SIK2: variants seen among roughly 807,000 people sequenced by gnomAD.
SIK2 encodes serine/threonine-protein kinase SIK2.
Under a neutral mutation model 103.2 loss-of-function variants are expected in SIK2, and 29 were observed. The observed-to-expected ratio is 0.28, with a 90% CI of 0.21 to 0.38. SIK2 has a LOEUF of 0.38. SIK2 is among the 10% of genes least tolerant of loss of function. The probability of loss-of-function intolerance (pLI) is 1.00; values close to 1 mark genes in which losing one functional copy is unlikely to be tolerated. For missense variants in SIK2, 879 were observed against 1,171.0 expected, an observed-to-expected ratio of 0.75 and a Z score of 3.64; for synonymous variants, 412 against 446.1, an observed-to-expected ratio of 0.92 and a Z score of 0.96.
At chr11:111,665,295 TACAC>T (rs1311215694) in intron 3 of SIK2, among the ~76,000 whole-genome samples, 1 of 147,230 alleles carries the variant, frequency 6.8e-6, no homozygotes, top group Non-Finnish European at 1.5e-5. Flanking sequence ...AAAAAAAAAA[TACAC>T]ACACACTAGC....
At chr11:111,620,151 A>C (rs1941864038) in intron 2 of SIK2, among the ~76,000 whole-genome samples, 188 bp from the exon 3 acceptor site, 1 of 152,242 alleles carries the variant, frequency 6.6e-6, no homozygotes, top group Non-Finnish European at 1.5e-5. Flanking sequence ...TTAGAAGAGC[A>C]AGGATCTCAA....
At chr11:111,626,718 A>AAG (rs1941966132) in intron 3 of SIK2, among the ~76,000 whole-genome samples, 1 of 151,752 alleles carries the variant, frequency 6.6e-6, no homozygotes, top group Non-Finnish European at 1.5e-5. Context: ...TACAAAAAAA[A>AAG]AAAAGTAATT....
rs913370687 is a variant in SIK2 at position 111,730,673 on chromosome 11, T to TG, written c.*6545dup. On this transcript the variant is annotated 3_prime_UTR_variant, in exon 15 of 15. Coordinates refer to ENST00000304987, the MANE Select transcript of SIK2 (RefSeq NM_015191.3). ...AGTGCAAATCATAATAGCTCCAATG[T>TG]GAAAAAAAAAATCAAAAGTATAACT... is the stretch of plus-strand genomic sequence containing the variant. 2.0e-5 allele frequency: 3 copies of TG among 151,674 alleles called. No homozygotes were observed. Among genetic ancestry groups the TG allele is most frequent in the African/African-American group, 4.8e-5 (2 of 41,270 alleles). 9.4% of individuals were successfully genotyped at this position (151,674 alleles called of 1,614,324 possible).
In SIK2 at chr11:111,728,218, A is replaced by G. The variant is rs78231019; in HGVS notation, c.*4089A>G. 1 of 152,174 alleles carries G rather than the reference A, an allele frequency of 6.6e-6. No individual in the cohort carries two copies. The highest frequency in any genetic ancestry group is 1.9e-4 in the East Asian group (1 of 5,176). 9.4% of individuals were successfully genotyped at this position (152,174 alleles called of 1,614,324 possible). On this transcript the variant is annotated 3_prime_UTR_variant, in exon 15 of 15. Coordinates refer to ENST00000304987, the MANE Select transcript of SIK2 (RefSeq NM_015191.3). ...ACATGAAAGGTGAAAATTGGAGAAC[A>G]GGGAAGCTCGTAAGTTGGAGTCATT...
rs78080330 is a variant in SIK2 at position 111,625,580 on chromosome 11, A to T, written c.316+5178A>T. Among the ~76,000 whole-genome samples the T allele has an allele frequency of 6.5e-3, 988 of 152,328 alleles. 10 individuals are homozygous for T. The highest frequency in any genetic ancestry group is 0.022 in the African/African-American group (923 of 41,566). On this transcript the variant is annotated intron_variant, in intron 3 of 14. Transcript: ENST00000304987. The stretch of plus-strand genomic sequence containing the variant: ...ATCCTAGAAACCAAGTGACCAAAGT[A>T]TTCTCAGAAGGATCAAGTGAACATC...
chr11:111,716,249 CTTTT>C (rs1248647329), intron 9 of SIK2, among the ~76,000 whole-genome samples: 1 of 152,208 alleles, frequency 6.6e-6, no homozygotes, highest in Non-Finnish European at 1.5e-5. Context: ...TTTTTAATAA[CTTTT>C]TTTATGACAA....
At position 111,724,530 on chromosome 11, in the gene SIK2, G is replaced by A. The variant is rs530943824; in HGVS notation, c.*401G>A. 1.7e-5 allele frequency: 3 copies of A among 173,972 alleles called. No homozygotes were observed. Among genetic ancestry groups the A allele is most frequent in the African/African-American group, 7.3e-5 (3 of 41,228 alleles). 10.8% of individuals were successfully genotyped at this position (173,972 alleles called of 1,614,324 possible). A position where few individuals can be genotyped will look rare whatever the true frequency, so the allele number is the denominator to read the frequency against. On this transcript the variant is annotated 3_prime_UTR_variant, in exon 15 of 15. Coordinates refer to ENST00000304987, the MANE Select transcript of SIK2 (RefSeq NM_015191.3). Reference sequence around the variant, plus strand: ...GCTATTGCATATATATGGGGGAAAAGGCAATATATTTTTCACTGAAGCTGA... The same window carrying A: ...GCTATTGCATATATATGGGGGAAAAAGCAATATATTTTTCACTGAAGCTGA...
chr11:111,710,184 A>G (rs1316473912), intron 8 of SIK2, among the ~76,000 whole-genome samples: 1 of 152,242 alleles, frequency 6.6e-6, no homozygotes, highest in Non-Finnish European at 1.5e-5. Context: ...ACTAGATAAA[A>G]ATTTTACATA....
At chr11:111,671,814 T>G in intron 3 of SIK2, 1 of 404,696 alleles carries the variant, frequency 2.5e-6, no homozygotes, top group Non-Finnish European at 4.8e-6. Flanking sequence ...ACAAATTCGT[T>G]TTCCTTCTCT....
intron 3 of SIK2, among the ~76,000 whole-genome samples, chr11:111,638,929 A>G (rs934727414): frequency 6.6e-6 from 1 of 152,068 alleles, no homozygotes; most frequent in Non-Finnish European, 1.5e-5. Context: ...TACATTGCCA[A>G]GTTTCTGGAT....
rs149074461 is a variant in SIK2 at position 111,708,330 on chromosome 11, C to T, written c.1101+3191C>T. ...CCAGGAGACAGAGGTTGCAGTGAGC[C>T]GAGATGACACCACTGCATTCCAGTC... On this transcript the variant is annotated intron_variant, in intron 8 of 14. Coordinates refer to ENST00000304987, the MANE Select transcript of SIK2 (RefSeq NM_015191.3). 6.6e-5 allele frequency among the ~76,000 whole-genome samples: 10 copies of T among 151,978 alleles called. No homozygotes were observed. In the East Asian group the frequency reaches 1.2e-3, roughly 18 times the overall value.
intron 3 of SIK2, among the ~76,000 whole-genome samples, chr11:111,677,378 C>T (rs1942716386): frequency 6.6e-6 from 1 of 151,960 alleles, no homozygotes; most frequent in Admixed American, 6.6e-5. Context: ...CATGACATCT[C>T]TTCTATTATT....
chr11:111,607,896 G>A (rs1361767613), intron 1 of SIK2, among the ~76,000 whole-genome samples: 2 of 152,112 alleles, frequency 1.3e-5, no homozygotes. Flanking sequence ...AACCCTCTGG[G>A]AAATACTATC....
chr11:111,643,211 C>T (rs1297053247), intron 3 of SIK2, among the ~76,000 whole-genome samples: 3 of 152,046 alleles, frequency 2.0e-5, no homozygotes, highest in African/African-American at 4.8e-5. Context: ...TTTGCACATC[C>T]TAGGCATTAA....
chr11:111,723,989 G>A lies in SIK2; in HGVS notation c.2641G>A (p.Asp881Asn). The A allele has an allele frequency of 6.2e-7, 1 of 1,614,172 alleles. No homozygotes were observed. Among genetic ancestry groups the A allele is most frequent in the Non-Finnish European group, 8.5e-7 (1 of 1,180,032 alleles). Residue 881 changes from aspartate to asparagine, a missense_variant, in exon 15 of 15, where the codon GAC becomes AAC. Physicochemically the swap from Asp to Asn is conservative, Grantham distance 23. Coordinates refer to ENST00000304987, the MANE Select transcript of SIK2 (RefSeq NM_015191.3). ...GAQQSDLTGP[D>N]CPRSPGLQEA... Reference sequence around the variant, plus strand: ...CCAGCAGAGCGACCTAACGGGGCCAGACTGTCCCAGAAGCCCAGGACTGCA... The same window carrying A: ...CCAGCAGAGCGACCTAACGGGGCCAAACTGTCCCAGAAGCCCAGGACTGCA...
At chr11:111,692,033 T>C (rs1389077194) in intron 4 of SIK2, among the ~76,000 whole-genome samples, 1 of 151,686 alleles carries the variant, frequency 6.6e-6, no homozygotes, top group African/African-American at 2.4e-5. Flanking sequence ...TGTGGCAGGA[T>C]TGGGGATCGG....
chr11:111,662,089 G>C (rs1394558198), intron 3 of SIK2, among the ~76,000 whole-genome samples: 1 of 152,222 alleles, frequency 6.6e-6, no homozygotes, highest in African/African-American at 2.4e-5. Flanking sequence ...GCTAAGGTCA[G>C]AGAGGAGTGT....
chr11:111,629,496 G>C (rs1942009869), intron 3 of SIK2, among the ~76,000 whole-genome samples: 1 of 152,166 alleles, frequency 6.6e-6, no homozygotes, highest in South Asian at 2.1e-4. Flanking sequence ...GCCTAAGTCT[G>C]TTTTCAGAGT....
At chr11:111,658,054 A>G (rs1185333394) in intron 3 of SIK2, among the ~76,000 whole-genome samples, 2 of 151,642 alleles carry the variant, frequency 1.3e-5, no homozygotes, top group African/African-American at 4.8e-5. Context: ...CTTTAGAAAG[A>G]TGATTTTAAT....
Sources: gnomAD v4.1 joint callset for allele counts (sites outside exome capture counted in the v4.1 genomes callset) on GRCh38, gnomAD v4.1.1 for gene constraint, MANE v1.5 for transcripts, NCBI Gene and HGNC (gene_info 2026-07-23, HGNC 2026-07-21) for gene names.